The following GRM5 variants were observed in gnomAD, a reference collection of about 807,000 sequenced individuals.
GRM5 encodes metabotropic glutamate receptor 5.
Under a neutral mutation model 83.1 loss-of-function variants are expected in GRM5, and 19 were observed. That is an observed-to-expected ratio of 0.23 (90% CI 0.16 to 0.34). The LOEUF (loss-of-function observed/expected upper bound fraction) is 0.34. GRM5 is among the 10% of genes least tolerant of loss of function. GRM5 has a pLI of 1.00. For missense variants in GRM5, 1,160 were observed against 1,588.3 expected, an observed-to-expected ratio of 0.73 and a Z score of 4.58; for synonymous variants, 675 against 633.6, an observed-to-expected ratio of 1.07 and a Z score of -0.98.
chr11:88,592,524 C>T (rs1937665301), intron 6 of GRM5, among the ~76,000 whole-genome samples: 1 of 152,128 alleles, frequency 6.6e-6, no homozygotes, highest in South Asian at 2.1e-4. Flanking sequence ...AAAGCAGTTG[C>T]ATTTCCCCCC....
At chr11:88,863,251 C>G (rs539643633) in intron 2 of GRM5, among the ~76,000 whole-genome samples, 1 of 152,090 alleles carries the variant, frequency 6.6e-6, no homozygotes, top group South Asian at 2.1e-4. Flanking sequence ...CCAGCAATCC[C>G]ATTACTGAGT....
intron 2 of GRM5, among the ~76,000 whole-genome samples, chr11:88,998,571 T>C (rs1388519126): frequency 1.3e-5 from 2 of 152,124 alleles, no homozygotes; most frequent in Non-Finnish European, 2.9e-5. Context: ...GCACTAGATG[T>C]TCTAGCCAGT....
intron 2 of GRM5, among the ~76,000 whole-genome samples, chr11:89,029,054 A>AAC (rs1941196936): frequency 6.6e-6 from 1 of 151,418 alleles, no homozygotes; most frequent in African/African-American, 2.4e-5. Flanking sequence ...TTCTTGTGTT[A>AAC]GTTTGCTGAG....
intron 1 of GRM5, among the ~76,000 whole-genome samples, chr11:89,057,656 T>A (rs1378646564): frequency 6.6e-6 from 1 of 152,192 alleles, no homozygotes; most frequent in Non-Finnish European, 1.5e-5. Context: ...CTCAGTTTAA[T>A]TATAAAGCAG....
At chr11:88,618,176 G>T (rs1430957961) in intron 4 of GRM5, among the ~76,000 whole-genome samples, 1 of 152,194 alleles carries the variant, frequency 6.6e-6, no homozygotes, top group Admixed American at 6.5e-5. Flanking sequence ...GGAACTTACA[G>T]ACTAAACTAA....
intron 2 of GRM5, among the ~76,000 whole-genome samples, chr11:88,953,334 A>G (rs1753310746): frequency 6.6e-6 from 1 of 152,148 alleles, no homozygotes; most frequent in Admixed American, 6.5e-5. Context: ...TTAAAATCCC[A>G]TACCATAGAA....
intron 2 of GRM5, among the ~76,000 whole-genome samples, chr11:88,937,212 T>C (rs911337737): frequency 4.0e-5 from 6 of 151,736 alleles, no homozygotes; most frequent in African/African-American, 1.4e-4. Context: ...AATGTTCTCA[T>C]CATTTCTTGG....
chr11:88,826,574 T>A (rs1015194153), intron 3 of GRM5, among the ~76,000 whole-genome samples: 1 of 152,152 alleles, frequency 6.6e-6, no homozygotes. Flanking sequence ...AGGTAACTGA[T>A]GTCCGTTTTC....
At chr11:88,894,257 G>A (rs1945194425) in intron 2 of GRM5, among the ~76,000 whole-genome samples, 2 of 151,950 alleles carry the variant, frequency 1.3e-5, no homozygotes. Flanking sequence ...GTGTAAATCA[G>A]ACACCGCCAC....
intron 3 of GRM5, among the ~76,000 whole-genome samples, chr11:88,670,582 T>C (rs963703129): frequency 2.0e-5 from 3 of 151,834 alleles, no homozygotes; most frequent in African/African-American, 7.2e-5. Flanking sequence ...TTAAAGTATA[T>C]GAATAATTTC....
chr11:88,529,468 T>A (rs543066754), intron 8 of GRM5, among the ~76,000 whole-genome samples: 15 of 151,856 alleles, frequency 9.9e-5, no homozygotes, highest in Middle Eastern at 3.4e-3. Context: ...AGCAGCATGG[T>A]GTATACTGGG....
intron 2 of GRM5, among the ~76,000 whole-genome samples, chr11:88,877,675 T>C (rs552106442): frequency 6.6e-6 from 1 of 151,778 alleles, no homozygotes; most frequent in African/African-American, 2.4e-5. Context: ...ATATGAAAAT[T>C]AGCTGGGCAT....
intron 8 of GRM5, among the ~76,000 whole-genome samples, chr11:88,566,739 A>G (rs1942884865): frequency 6.6e-6 from 1 of 152,112 alleles, no homozygotes; most frequent in Non-Finnish European, 1.5e-5. Context: ...CTGTCCCCTC[A>G]GAACTTGAGG....
intron 2 of GRM5, among the ~76,000 whole-genome samples, chr11:88,851,041 T>TA (rs1423845747): frequency 6.6e-6 from 1 of 152,134 alleles, no homozygotes; most frequent in African/African-American, 2.4e-5. Context: ...TACCTTGAGT[T>TA]ACACTAGCAG....
intron 2 of GRM5, among the ~76,000 whole-genome samples, chr11:89,007,229 A>G (rs1940555959): frequency 6.6e-6 from 1 of 152,184 alleles, no homozygotes. Context: ...AAAATTTTGC[A>G]TTTGTTAAGT....
intron 8 of GRM5, among the ~76,000 whole-genome samples, chr11:88,543,683 C>T (rs1942325192): frequency 6.8e-6 from 1 of 146,378 alleles, no homozygotes; most frequent in East Asian, 2.0e-4. Context: ...TCATTATTTC[C>T]CTTTTTGTAT....
At chr11:88,723,577 GA>G (rs1941601038) in intron 3 of GRM5, among the ~76,000 whole-genome samples, 1 of 151,958 alleles carries the variant, frequency 6.6e-6, no homozygotes, top group Non-Finnish European at 1.5e-5. Flanking sequence ...TACTATGGAA[GA>G]GGTCATTAAG....
At chr11:88,625,388 C>T (rs779451638) in intron 4 of GRM5, among the ~76,000 whole-genome samples, 10 of 151,980 alleles carry the variant, frequency 6.6e-5, no homozygotes, top group Non-Finnish European at 1.2e-4. Context: ...CACAGGTGGC[C>T]CAGTAAGTAT....
intron 2 of GRM5, among the ~76,000 whole-genome samples, chr11:88,968,290 T>C (rs1419251798): frequency 2.6e-5 from 4 of 152,114 alleles, no homozygotes; most frequent in Admixed American, 2.6e-4. Context: ...GGCAGGAATA[T>C]ATTGTATAAT....
Sources: gnomAD v4.1 joint callset for allele counts (sites outside exome capture counted in the v4.1 genomes callset) on GRCh38, gnomAD v4.1.1 for gene constraint, MANE v1.5 for transcripts, NCBI Gene and HGNC (gene_info 2026-07-23, HGNC 2026-07-21) for gene names.